The following CDK14 variants were observed in gnomAD, a reference collection of about 807,000 sequenced individuals.
CDK14 encodes cyclin dependent kinase 14.
A neutral mutation model predicts 60.7 loss-of-function variants in CDK14; 34 were observed. That is an observed-to-expected ratio of 0.56 (90% CI 0.43 to 0.75). The LOEUF (loss-of-function observed/expected upper bound fraction) is 0.75. CDK14 is among the 30% of genes least tolerant of loss of function. The pLI is 0.00. For missense variants in CDK14, 482 were observed against 564.1 expected, an observed-to-expected ratio of 0.85 and a Z score of 1.47; for synonymous variants, 197 against 203.7, an observed-to-expected ratio of 0.97 and a Z score of 0.28.
intron 2 of CDK14, among the ~76,000 whole-genome samples, chr7:90,663,872 A>G (rs1584778211): frequency 6.6e-6 from 1 of 152,138 alleles, no homozygotes; most frequent in South Asian, 2.1e-4. Context: ...CACTTTTCAC[A>G]TATTTTATAT....
intron 5 of CDK14, among the ~76,000 whole-genome samples, chr7:90,829,087 A>G (rs535955115): frequency 2.0e-4 from 30 of 152,264 alleles, no homozygotes; most frequent in Non-Finnish European, 1.3e-4. Context: ...CTTTTAAACC[A>G]TCAGCTCTTG....
At chr7:90,937,735 C>G (rs1264061792) in intron 8 of CDK14, among the ~76,000 whole-genome samples, 3 of 152,210 alleles carry the variant, frequency 2.0e-5, no homozygotes, top group African/African-American at 7.2e-5. Flanking sequence ...CAGACACCAT[C>G]TCAACAAATG....
At chr7:90,852,694 A>G (rs1790688259) in intron 5 of CDK14, among the ~76,000 whole-genome samples, 1 of 152,190 alleles carries the variant, frequency 6.6e-6, no homozygotes, top group African/African-American at 2.4e-5. Context: ...GACAAGGAGG[A>G]CAGGTACAAG....
At chr7:90,752,445 CA>C (rs1803883671) in intron 4 of CDK14, among the ~76,000 whole-genome samples, 1 of 152,084 alleles carries the variant, frequency 6.6e-6, no homozygotes, top group Non-Finnish European at 1.5e-5. Flanking sequence ...AAGCAGAAGT[CA>C]AAAAATTCTT....
chr7:90,897,422 T>C (rs1359096357), intron 6 of CDK14, among the ~76,000 whole-genome samples: 1 of 152,088 alleles, frequency 6.6e-6, no homozygotes, highest in Non-Finnish European at 1.5e-5. Flanking sequence ...GTACTTTTCT[T>C]TTACCATTTT....
intron 13 of CDK14, among the ~76,000 whole-genome samples, chr7:91,115,313 TG>T (rs1351712249): frequency 6.6e-6 from 1 of 152,212 alleles, no homozygotes; most frequent in African/African-American, 2.4e-5. Context: ...ATTCGGTTCC[TG>T]GTAAGGTCTT....
intron 5 of CDK14, among the ~76,000 whole-genome samples, chr7:90,807,801 A>G (rs943920017): frequency 1.3e-5 from 2 of 152,268 alleles, no homozygotes; most frequent in Admixed American, 1.3e-4. Flanking sequence ...CCAAGGCACA[A>G]GAACTACATG....
At chr7:90,922,055 T>C (rs567127309) in intron 8 of CDK14, among the ~76,000 whole-genome samples, 15 of 152,314 alleles carry the variant, frequency 9.8e-5, no homozygotes, top group African/African-American at 3.1e-4. Context: ...GTGTGTCTGT[T>C]TGATAAACAT....
At chr7:91,036,415 C>T (rs145922504) in intron 10 of CDK14, among the ~76,000 whole-genome samples, 1 of 152,268 alleles carries the variant, frequency 6.6e-6, no homozygotes, top group African/African-American at 2.4e-5. Context: ...ATACAGTTGA[C>T]CTGTGAACAA....
At chr7:91,163,346 G>A (rs76209758) in intron 14 of CDK14, among the ~76,000 whole-genome samples, 5 of 152,166 alleles carry the variant, frequency 3.3e-5, no homozygotes, top group African/African-American at 7.2e-5. Flanking sequence ...AGAATCCAGC[G>A]CAAGATTTGA....
At chr7:91,121,570 C>T (rs1346317358) in intron 14 of CDK14, among the ~76,000 whole-genome samples, 1 of 152,126 alleles carries the variant, frequency 6.6e-6, no homozygotes, top group Non-Finnish European at 1.5e-5. Context: ...ATAAATTGGT[C>T]TTAGTGGAAA....
chr7:90,879,678 G>A (rs958249174), intron 6 of CDK14, among the ~76,000 whole-genome samples: 2 of 152,056 alleles, frequency 1.3e-5, no homozygotes, highest in Non-Finnish European at 2.9e-5. Flanking sequence ...AACCAACATG[G>A]CACATGTATA....
chr7:91,131,524 G>A (rs1800117151), intron 14 of CDK14, among the ~76,000 whole-genome samples: 1 of 152,140 alleles, frequency 6.6e-6, no homozygotes, highest in South Asian at 2.1e-4. Context: ...GCTGTCTAAT[G>A]TCAGAATCTG....
At chr7:90,738,518 T>A (rs1486625749) in intron 3 of CDK14, among the ~76,000 whole-genome samples, 2 of 152,216 alleles carry the variant, frequency 1.3e-5, no homozygotes, top group Admixed American at 6.5e-5. Context: ...CTGGCCCAGA[T>A]AATTGACGGT....
At chr7:91,203,855 T>C (rs1802799710) in intron 14 of CDK14, among the ~76,000 whole-genome samples, 1 of 152,200 alleles carries the variant, frequency 6.6e-6, no homozygotes, top group African/African-American at 2.4e-5. Flanking sequence ...CTCTTCTTGA[T>C]GTCATGGTCC....
intron 14 of CDK14, among the ~76,000 whole-genome samples, chr7:91,129,277 A>G (rs1393428654): frequency 6.6e-6 from 1 of 152,222 alleles, no homozygotes; most frequent in African/African-American, 2.4e-5. Context: ...GAATCAAAGC[A>G]GTGACACTCT....
At chr7:91,186,413 A>G (rs1477143976) in intron 14 of CDK14, among the ~76,000 whole-genome samples, 1 of 150,170 alleles carries the variant, frequency 6.7e-6, no homozygotes, top group East Asian at 2.0e-4. Flanking sequence ...TGGGGCTGTT[A>G]TGAATAATGC....
At chr7:91,053,450 C>T (rs1185208269) in intron 11 of CDK14, among the ~76,000 whole-genome samples, 1 of 152,148 alleles carries the variant, frequency 6.6e-6, no homozygotes, top group African/African-American at 2.4e-5. Flanking sequence ...GGAGAATTGT[C>T]AGGCTCTTCC....
At chr7:90,864,155 A>C (rs552190565) in intron 6 of CDK14, among the ~76,000 whole-genome samples, 1 of 152,220 alleles carries the variant, frequency 6.6e-6, no homozygotes, top group African/African-American at 2.4e-5. Context: ...GAATATTTGC[A>C]ACATTTTTAT....
Sources: gnomAD v4.1 joint callset for allele counts (sites outside exome capture counted in the v4.1 genomes callset) on GRCh38, gnomAD v4.1.1 for gene constraint, MANE v1.5 for transcripts, NCBI Gene and HGNC (gene_info 2026-07-23, HGNC 2026-07-21) for gene names.